The following SLX4IP variants were observed in gnomAD, a reference collection of about 807,000 sequenced individuals.
SLX4IP encodes the protein protein SLX4IP.
SLX4IP carries 34 observed loss-of-function variants against 32.9 expected under a neutral mutation model. The observed-to-expected ratio is 1.03, with a 90% confidence interval of 0.79 to 1.38. The LOEUF (loss-of-function observed/expected upper bound fraction) is 1.38, where lower values mean the gene tolerates loss of function less well. Ranked by LOEUF, SLX4IP falls within the 40% of genes most tolerant of loss-of-function variation. The pLI, the probability that SLX4IP is intolerant of heterozygous loss-of-function variation, is 0.00. For missense variants in SLX4IP, 444 were observed against 479.0 expected, an observed-to-expected ratio of 0.93 and a Z score of 0.68; for synonymous variants, 172 against 171.7, an observed-to-expected ratio of 1.00 and a Z score of -0.01.
chr20:10,510,235 C>T (rs1340668372), intron 2 of SLX4IP, among the ~76,000 whole-genome samples: 1 of 151,808 alleles, frequency 6.6e-6, no homozygotes, highest in Non-Finnish European at 1.5e-5. Context: ...GGGAAAGAGG[C>T]TGTGTGCCGT....
intron 2 of SLX4IP, among the ~76,000 whole-genome samples, chr20:10,552,089 G>A (rs1037640675): frequency 6.6e-6 from 1 of 152,212 alleles, no homozygotes; most frequent in African/African-American, 2.4e-5. Context: ...AGTTGGGGGT[G>A]ACACCCCTGT....
At chr20:10,515,578 A>G (rs1468599080) in intron 2 of SLX4IP, among the ~76,000 whole-genome samples, 2 of 152,196 alleles carry the variant, frequency 1.3e-5, no homozygotes, top group Non-Finnish European at 2.9e-5. Flanking sequence ...TCCAGTCAAA[A>G]CACTTACAAT....
At chr20:10,497,740 G>T (rs887617327) in intron 2 of SLX4IP, among the ~76,000 whole-genome samples, 1 of 151,976 alleles carries the variant, frequency 6.6e-6, no homozygotes, top group South Asian at 2.1e-4. Flanking sequence ...TATTGACTTT[G>T]TTGGTCACTT....
chr20:10,569,944 T>C (rs530959950), intron 4 of SLX4IP, among the ~76,000 whole-genome samples: 2 of 152,254 alleles, frequency 1.3e-5, no homozygotes, highest in South Asian at 4.1e-4. Flanking sequence ...GTACTGGGAG[T>C]TAGGACTTCA....
At chr20:10,461,291 A>G (rs2065335813) in intron 2 of SLX4IP, among the ~76,000 whole-genome samples, 1 of 152,252 alleles carries the variant, frequency 6.6e-6, no homozygotes, top group Non-Finnish European at 1.5e-5. Context: ...GGTCTGTTCC[A>G]TACCCATGGA....
intron 2 of SLX4IP, among the ~76,000 whole-genome samples, chr20:10,461,872 G>A (rs1030439591): frequency 6.6e-6 from 1 of 152,082 alleles, no homozygotes; most frequent in African/African-American, 2.4e-5. Context: ...TGACCTCCTG[G>A]GCTTAAGCAG....
chr20:10,554,740 T>A (rs1600996208), intron 2 of SLX4IP, among the ~76,000 whole-genome samples: 1 of 152,222 alleles, frequency 6.6e-6, no homozygotes, highest in East Asian at 1.9e-4. Context: ...TCATTTATCC[T>A]ATTTGTGAAG....
At chr20:10,621,496 A>G in intron 7 of SLX4IP, 82 bp downstream of exon 7, 1 of 1,262,452 alleles carries the variant, frequency 7.9e-7, no homozygotes, top group Non-Finnish European at 1.1e-6. Flanking sequence ...AATTAAACAG[A>G]GTGCCTGGAA....
At chr20:10,584,678 A>T (rs2122529800) in intron 4 of SLX4IP, among the ~76,000 whole-genome samples, 1 of 152,280 alleles carries the variant, frequency 6.6e-6, no homozygotes, top group Middle Eastern at 3.4e-3. Flanking sequence ...TTGGAGATTC[A>T]AATTTCCCAA....
chr20:10,492,480 G>A (rs534477573), intron 2 of SLX4IP, among the ~76,000 whole-genome samples: 1 of 152,138 alleles, frequency 6.6e-6, no homozygotes, highest in East Asian at 1.9e-4. Context: ...GTTGATACCT[G>A]GTTCATATCT....
At chr20:10,546,755 A>C (rs894690906) in intron 2 of SLX4IP, among the ~76,000 whole-genome samples, 3 of 152,152 alleles carry the variant, frequency 2.0e-5, no homozygotes, top group Non-Finnish European at 4.4e-5. Context: ...TCTGTGCTGA[A>C]CCAGGCCACT....
chr20:10,522,679 T>A (rs1290242286), intron 2 of SLX4IP, among the ~76,000 whole-genome samples: 1 of 152,196 alleles, frequency 6.6e-6, no homozygotes, highest in Non-Finnish European at 1.5e-5. Flanking sequence ...GGTCATCTCA[T>A]GCGCTTACAT....
chr20:10,539,701 C>T (rs550816298), intron 2 of SLX4IP, among the ~76,000 whole-genome samples: 4 of 152,238 alleles, frequency 2.6e-5, no homozygotes, highest in East Asian at 1.9e-4. Context: ...TATGTAGTCT[C>T]CAAATTTAAA....
At chr20:10,519,562 T>C (rs955988917) in intron 2 of SLX4IP, among the ~76,000 whole-genome samples, 2 of 152,248 alleles carry the variant, frequency 1.3e-5, no homozygotes, top group African/African-American at 4.8e-5. Context: ...TATTTCTTTC[T>C]ATGATTGAAT....
chr20:10,452,641 G>A (rs2065250286), intron 1 of SLX4IP, among the ~76,000 whole-genome samples: 1 of 141,864 alleles, frequency 7.0e-6, no homozygotes, highest in Non-Finnish European at 1.5e-5. Flanking sequence ...ACTCCAGCCT[G>A]GGCAACAAGA....
chr20:10,439,249 C>T (rs112970865), intron 1 of SLX4IP, among the ~76,000 whole-genome samples: 9 of 152,210 alleles, frequency 5.9e-5, no homozygotes, highest in African/African-American at 1.9e-4. Flanking sequence ...GGGTCCCACT[C>T]TCAGGCTGGA....
intron 4 of SLX4IP, among the ~76,000 whole-genome samples, chr20:10,589,913 C>A: frequency 6.6e-6 from 1 of 150,478 alleles, no homozygotes. Flanking sequence ...TACATTGAGT[C>A]TATGTTACTT....
intron 2 of SLX4IP, among the ~76,000 whole-genome samples, chr20:10,500,098 A>G (rs1355510316): frequency 7.0e-6 from 1 of 142,836 alleles, no homozygotes; most frequent in Non-Finnish European, 1.5e-5. Context: ...GATGGGGAAG[A>G]CTTTGAATTT....
intron 3 of SLX4IP, among the ~76,000 whole-genome samples, chr20:10,558,949 G>A (rs2066300578): frequency 6.6e-6 from 1 of 152,226 alleles, no homozygotes; most frequent in Non-Finnish European, 1.5e-5. Flanking sequence ...GCTAGAGGGA[G>A]AAAGTTTGTG....
Sources: allele counts gnomAD v4.1 joint callset (sites outside exome capture counted in the v4.1 genomes callset), GRCh38; gene constraint gnomAD v4.1.1; transcripts MANE v1.5; gene names NCBI Gene and HGNC (gene_info 2026-07-23, HGNC 2026-07-21).